Variants in VCL observed in about 807,000 individuals in gnomAD.
VCL encodes the protein epididymis luminal protein 114.
A neutral mutation model predicts 125.7 loss-of-function variants in VCL; 47 were observed. The ratio of observed to expected loss-of-function variants is 0.37; its 90% confidence interval spans 0.30 to 0.48. The LOEUF is 0.48. Among genes scored for constraint, VCL ranks in the 20% least tolerant of loss-of-function variants. VCL has a pLI of 0.99. For synonymous variants in VCL, 458 were observed against 514.6 expected, an observed-to-expected ratio of 0.89 and a Z score of 1.49; for missense variants, 1,069 against 1,455.5, an observed-to-expected ratio of 0.73 and a Z score of 4.32.
chr10:74,091,001 A>G (rs1288460101), intron 10 of VCL, among the ~76,000 whole-genome samples: 1 of 151,784 alleles, frequency 6.6e-6, no homozygotes, highest in Non-Finnish European at 1.5e-5. Flanking sequence ...GGGTGTTGCT[A>G]TGTTGTCAGG....
intron 19 of VCL, among the ~76,000 whole-genome samples, chr10:74,113,477 C>A (rs1840262802): frequency 6.6e-6 from 1 of 152,116 alleles, no homozygotes; most frequent in Non-Finnish European, 1.5e-5. Flanking sequence ...GATTCTTTAC[C>A]CTTTTACGTG....
chr10:74,038,580 A>G (rs1361701669), intron 1 of VCL, among the ~76,000 whole-genome samples: 11 of 152,252 alleles, frequency 7.2e-5, no homozygotes, highest in Admixed American at 7.2e-4. Flanking sequence ...GCTTAGAATA[A>G]CAAAATCACA....
chr10:74,109,121 C>T lies in VCL; in HGVS notation c.2710C>T (p.Gln904Ter). The part of the protein sequence containing the change: ...INQPMMMAAR[Q>*]LHDEARKWSS... ...CCAGCCAATGATGATGGCTGCCAGA[C>T]AGCTCCATGATGAAGCTCGCAAATG... Residue 904 changes from glutamine to a stop codon, truncating the protein, a stop_gained, in exon 18 of 22, where the codon CAG (glutamine) becomes TAG (stop). Transcript: ENST00000211998. LOFTEE classifies it high-confidence loss of function. 1 of 1,614,128 alleles carries T rather than the reference C, an allele frequency of 6.2e-7. No homozygotes were observed. The highest frequency in any genetic ancestry group is 8.5e-7 in the Non-Finnish European group (1 of 1,180,016).
At chr10:74,018,377 G>A (rs906505486) in intron 1 of VCL, among the ~76,000 whole-genome samples, 4 of 152,002 alleles carry the variant, frequency 2.6e-5, no homozygotes, top group African/African-American at 7.2e-5. Flanking sequence ...GCTTCTGACG[G>A]ACTTGGGCTA....
chr10:74,032,255 AAAAAAG>A (rs1211897844), intron 1 of VCL, among the ~76,000 whole-genome samples: 3 of 150,150 alleles, frequency 2.0e-5, no homozygotes, highest in Non-Finnish European at 4.4e-5. Context: ...AAAAAAAAAA[AAAAAAG>A]AAAAAGGAAA....
rs1470538710 is a variant in VCL at position 74,095,754 on chromosome 10, G to A, written c.1642G>A (p.Val548Met). 1 of 1,614,258 alleles carries A rather than the reference G, an allele frequency of 6.2e-7. No individual in the cohort carries two copies. Among genetic ancestry groups the A allele is most frequent in the Non-Finnish European group, 8.5e-7 (1 of 1,180,052 alleles). ...RQDLLAKCDR[V>M]DQLTAQLADL... Reference sequence around the variant, plus strand: ...AGATCTTCTCGCCAAGTGTGACCGAGTGGACCAGCTGACAGCCCAGCTGGC... The same window carrying A: ...AGATCTTCTCGCCAAGTGTGACCGAATGGACCAGCTGACAGCCCAGCTGGC... The change falls in exon 12 of 22, where the codon GTG becomes ATG. Residue 548 changes from valine to methionine, a missense_variant. Val to Met is a conservative substitution (Grantham distance 21). Coordinates refer to ENST00000211998, the MANE Select transcript of VCL (RefSeq NM_014000.3).
chr10:74,095,484 G>A (rs1322548994), intron 11 of VCL, among the ~76,000 whole-genome samples, 172 bp from the exon 12 acceptor site: 4 of 152,162 alleles, frequency 2.6e-5, no homozygotes, highest in Non-Finnish European at 5.9e-5. Flanking sequence ...AGCTACTTGA[G>A]AGGCTGTGGT....
At chr10:74,050,722 T>TTG (rs142015391) in intron 2 of VCL, among the ~76,000 whole-genome samples, 39 of 151,648 alleles carry the variant, frequency 2.6e-4, no homozygotes, top group African/African-American at 8.2e-4. Context: ...AATGTGTGAT[T>TTG]TGTGTGTGTG....
intron 1 of VCL, among the ~76,000 whole-genome samples, chr10:74,006,237 G>A (rs1027562278): frequency 3.9e-5 from 6 of 152,186 alleles, no homozygotes; most frequent in African/African-American, 1.4e-4. Flanking sequence ...TGAATCCATA[G>A]ATGTGGAACT....
chr10:74,090,454 A>G (rs1464156772), intron 10 of VCL, among the ~76,000 whole-genome samples: 4 of 152,198 alleles, frequency 2.6e-5, no homozygotes, highest in African/African-American at 9.7e-5. Context: ...TTAGGATGCT[A>G]AGAACTCCTT....
intron 1 of VCL, among the ~76,000 whole-genome samples, chr10:74,004,419 T>C (rs1282908778): frequency 6.6e-6 from 1 of 152,232 alleles, no homozygotes; most frequent in Non-Finnish European, 1.5e-5. Context: ...CTGGTTAACC[T>C]GGACTTGAAC....
At chr10:74,060,621 A>G (rs1362789934) in intron 2 of VCL, among the ~76,000 whole-genome samples, 1 of 143,288 alleles carries the variant, frequency 7.0e-6, no homozygotes, top group Non-Finnish European at 1.5e-5. Context: ...GCGCCACTGC[A>G]CTCCAGCCTG....
intron 1 of VCL, among the ~76,000 whole-genome samples, chr10:74,005,826 ATAGT>A (rs1223591194): frequency 6.6e-6 from 1 of 152,166 alleles, no homozygotes; most frequent in Non-Finnish European, 1.5e-5. Context: ...AATGTTATAA[ATAGT>A]TATACTGTTT....
chr10:74,109,379 C>T (rs1031598644), intron 18 of VCL, among the ~76,000 whole-genome samples: 3 of 152,174 alleles, frequency 2.0e-5, no homozygotes, highest in African/African-American at 4.8e-5. Flanking sequence ...GTCAGGGTGC[C>T]TGTGATTTGA....
chr10:74,034,965 C>T (rs1840944508), intron 1 of VCL, among the ~76,000 whole-genome samples: 1 of 152,222 alleles, frequency 6.6e-6, no homozygotes. Flanking sequence ...TATGCCATGA[C>T]ATTGATTTGA....
At chr10:74,113,955 CTCTCTCTTTGTT>C (rs1418903265) in intron 19 of VCL, among the ~76,000 whole-genome samples, 2 of 152,104 alleles carry the variant, frequency 1.3e-5, no homozygotes, top group Non-Finnish European at 2.9e-5. Flanking sequence ...CTCCTCTCTC[CTCTCTCTTTGTT>C]TCTCACACTG....
chr10:74,059,687 G>A (rs531219907), intron 2 of VCL, among the ~76,000 whole-genome samples: 96 of 152,238 alleles, frequency 6.3e-4, no homozygotes, highest in African/African-American at 1.1e-3. Context: ...TTACAGGTGT[G>A]AGCCACCGCG....
At chr10:74,050,082 C>T (rs956265983) in intron 2 of VCL, among the ~76,000 whole-genome samples, 7 of 152,204 alleles carry the variant, frequency 4.6e-5, no homozygotes, top group African/African-American at 1.7e-4. Context: ...AAAAGCATCA[C>T]TTCTGAGGTG....
intron 2 of VCL, among the ~76,000 whole-genome samples, chr10:74,047,388 A>C (rs893991500): frequency 6.6e-6 from 1 of 152,248 alleles, no homozygotes; most frequent in African/African-American, 2.4e-5. Flanking sequence ...AAAATAGTAG[A>C]TGCCTTGACT....
Sources: gnomAD v4.1 joint callset for allele counts (sites outside exome capture counted in the v4.1 genomes callset) on GRCh38, gnomAD v4.1.1 for gene constraint, MANE v1.5 for transcripts, NCBI Gene and HGNC (gene_info 2026-07-23, HGNC 2026-07-21) for gene names.